ANKS1B: variants seen among roughly 807,000 people sequenced by gnomAD.
The protein encoded by ANKS1B is ankyrin repeat and sterile alpha motif domain containing 1B, also known as ankyrin repeat and sterile alpha motif domain-containing protein 1B.
A neutral mutation model predicts 148.3 loss-of-function variants in ANKS1B; 36 were observed. The observed-to-expected ratio is 0.24, with a 90% CI of 0.19 to 0.32. ANKS1B has a LOEUF of 0.32. ANKS1B is among the 10% of genes least tolerant of loss of function. The pLI, the probability that ANKS1B is intolerant of heterozygous loss-of-function variation, is 1.00. For missense variants in ANKS1B, 1,157 were observed against 1,542.6 expected (o/e 0.75, Z 4.19); for synonymous variants, 542 against 560.8 (o/e 0.97, Z 0.47).
Position 99,332,774 on chromosome 12 carries a change from G to C in ANKS1B, c.1756+66857C>G, listed in dbSNP as rs1376637168. 2.0e-5 allele frequency among the ~76,000 whole-genome samples: 3 copies of C among 151,842 alleles called. No homozygotes were observed. The East Asian group carries it at 5.8e-4, about 29-fold the overall frequency. ...TGAAGGAAGGGTTAGAAAGAAGGGT[G>C]TACAAGGGAGAGGAAACAATCTTAA... is the stretch of plus-strand genomic sequence containing the variant. On this transcript the variant is annotated intron_variant, in intron 12 of 26. Coordinates refer to ENST00000683438, the MANE Select transcript of ANKS1B (RefSeq NM_001352186.2).
intron 12 of ANKS1B, among the ~76,000 whole-genome samples, chr12:99,297,938 G>C (rs1028323304): frequency 6.6e-6 from 1 of 151,144 alleles, no homozygotes; most frequent in African/African-American, 2.4e-5. Flanking sequence ...ATTAATCCAC[G>C]TTTTTATAAT....
At chr12:99,936,032 A>T (rs2094759460) in intron 1 of ANKS1B, among the ~76,000 whole-genome samples, 1 of 152,152 alleles carries the variant, frequency 6.6e-6, no homozygotes. Flanking sequence ...GAAATGCCAG[A>T]TGTTTATAAA....
At chr12:99,854,607 A>T (rs980364368) in intron 1 of ANKS1B, among the ~76,000 whole-genome samples, 1 of 152,184 alleles carries the variant, frequency 6.6e-6, no homozygotes, top group South Asian at 2.1e-4. Context: ...CAGTTTATCT[A>T]AAGTCAAGAC....
chr12:99,917,668 T>G (rs2094213305), intron 1 of ANKS1B, among the ~76,000 whole-genome samples: 1 of 152,188 alleles, frequency 6.6e-6, no homozygotes, highest in African/African-American at 2.4e-5. Flanking sequence ...TCATATTTAC[T>G]AGCATAGGAT....
chr12:99,582,499 ATGC>A (rs1298994684), intron 9 of ANKS1B, among the ~76,000 whole-genome samples: 3 of 152,224 alleles, frequency 2.0e-5, no homozygotes, highest in Non-Finnish European at 4.4e-5. Context: ...ATAAAAAATA[ATGC>A]TACTCAGCAA....
intron 1 of ANKS1B, among the ~76,000 whole-genome samples, chr12:99,886,354 G>A (rs1214003531): frequency 1.3e-5 from 2 of 152,188 alleles, no homozygotes; most frequent in Non-Finnish European, 2.9e-5. Flanking sequence ...AATACAAGCA[G>A]TACAAAGTGT....
At chr12:99,698,365 T>C (rs1037498410) in intron 8 of ANKS1B, among the ~76,000 whole-genome samples, 1 of 152,134 alleles carries the variant, frequency 6.6e-6, no homozygotes. Context: ...GCATTGCTGG[T>C]ATTGTACAGC....
chr12:99,042,286 G>A (rs912037356), intron 17 of ANKS1B, among the ~76,000 whole-genome samples: 1 of 152,148 alleles, frequency 6.6e-6, no homozygotes, highest in Non-Finnish European at 1.5e-5. Flanking sequence ...AAAAGCGCTT[G>A]CTCATTTTTG....
At chr12:99,158,201 T>G (rs1393708554) in intron 14 of ANKS1B, among the ~76,000 whole-genome samples, 1 of 152,218 alleles carries the variant, frequency 6.6e-6, no homozygotes, top group Non-Finnish European at 1.5e-5. Flanking sequence ...GTAACAGTGC[T>G]TAAATATATT....
chr12:99,920,654 C>T (rs1442851568), intron 1 of ANKS1B, among the ~76,000 whole-genome samples: 1 of 152,010 alleles, frequency 6.6e-6, no homozygotes, highest in African/African-American at 2.4e-5. Flanking sequence ...TGGTGCGATT[C>T]AGACCAAATC....
chr12:99,182,911 A>G (rs1417819188), intron 14 of ANKS1B, among the ~76,000 whole-genome samples: 1 of 152,176 alleles, frequency 6.6e-6, no homozygotes, highest in Non-Finnish European at 1.5e-5. Flanking sequence ...CTGATAATCA[A>G]TGATGTTGAA....
intron 12 of ANKS1B, among the ~76,000 whole-genome samples, chr12:99,307,855 G>A (rs188030543): frequency 6.6e-6 from 1 of 152,074 alleles, no homozygotes; most frequent in Admixed American, 6.6e-5. Context: ...TTCTCCAAAG[G>A]CTAATTCTTG....
intron 1 of ANKS1B, 32 bp downstream of exon 1, chr12:99,984,072 G>T (rs757051918): frequency 1.9e-6 from 3 of 1,589,766 alleles, no homozygotes; most frequent in South Asian, 2.3e-5. Context: ...ATAATGAGGT[G>T]TGCCAACCCC....
intron 22 of ANKS1B, among the ~76,000 whole-genome samples, chr12:98,789,415 T>TAA (rs2098827662): frequency 7.5e-6 from 1 of 134,156 alleles, no homozygotes; most frequent in African/African-American, 2.8e-5. Flanking sequence ...GATGAAGATG[T>TAA]ATAGTTTTTT....
chr12:99,439,140 T>A (rs1426541215), intron 11 of ANKS1B, among the ~76,000 whole-genome samples: 1 of 151,620 alleles, frequency 6.6e-6, no homozygotes, highest in South Asian at 2.1e-4. Flanking sequence ...AAAAATTAAA[T>A]CTTGACCCCC....
intron 1 of ANKS1B, among the ~76,000 whole-genome samples, chr12:99,979,394 C>G (rs992748279): frequency 9.2e-5 from 14 of 152,260 alleles, no homozygotes; most frequent in African/African-American, 3.4e-4. Flanking sequence ...TTTTAAACCA[C>G]AAGATAATTT....
chr12:99,430,612 T>C (rs750522863), intron 11 of ANKS1B, among the ~76,000 whole-genome samples: 11 of 152,228 alleles, frequency 7.2e-5, no homozygotes, highest in Non-Finnish European at 1.2e-4. Context: ...CGACTCCTTA[T>C]TAATTTATCC....
At chr12:98,849,894 G>A (rs2099512676) in intron 17 of ANKS1B, among the ~76,000 whole-genome samples, 1 of 152,118 alleles carries the variant, frequency 6.6e-6, no homozygotes, top group Non-Finnish European at 1.5e-5. Flanking sequence ...ATGGCCTCAT[G>A]GCTAATTTCT....
intron 17 of ANKS1B, chr12:98,894,546 GC>G (rs1273195315): frequency 5.6e-5 from 55 of 981,866 alleles, no homozygotes; most frequent in Non-Finnish European, 6.6e-5. Flanking sequence ...CTCCGCCTCT[GC>G]CCCGGCTGCG....
Sources: gnomAD v4.1 joint callset for allele counts (sites outside exome capture counted in the v4.1 genomes callset) on GRCh38, gnomAD v4.1.1 for gene constraint, MANE v1.5 for transcripts, NCBI Gene and HGNC (gene_info 2026-07-23, HGNC 2026-07-21) for gene names.